The following CSMD1 variants were observed in gnomAD, a reference collection of about 807,000 sequenced individuals.
CSMD1 encodes CUB and Sushi multiple domains 1.
A neutral mutation model predicts 417.5 loss-of-function variants in CSMD1; 213 were observed. That is an observed-to-expected ratio of 0.51 (90% CI 0.46 to 0.57). CSMD1 has a LOEUF of 0.57. Ranked by LOEUF, CSMD1 falls within the 20% of genes least tolerant of loss-of-function variation. The pLI, the probability that CSMD1 is intolerant of heterozygous loss-of-function variation, is 0.00. For missense variants in CSMD1, 6,923 were observed against 4,529.7 expected (o/e 1.53, Z -15.17); for synonymous variants, 2,862 against 1,736.8 (o/e 1.65, Z -16.11).
At chr8:4,946,159 T>A (rs1238335151) in intron 1 of CSMD1, among the ~76,000 whole-genome samples, 1 of 152,144 alleles carries the variant, frequency 6.6e-6, no homozygotes, top group African/African-American at 2.4e-5. Context: ...CAGTTTCAAT[T>A]AAAAACTTTG....
chr8:4,667,895 A>T (rs1176550118), intron 1 of CSMD1, among the ~76,000 whole-genome samples: 1 of 152,198 alleles, frequency 6.6e-6, no homozygotes, highest in East Asian at 1.9e-4. Flanking sequence ...GGAATTGAAT[A>T]GCAGTGGTTA....
At chr8:3,441,631 G>C (rs563500777) in intron 12 of CSMD1, among the ~76,000 whole-genome samples, 2 of 152,044 alleles carry the variant, frequency 1.3e-5, no homozygotes, top group Non-Finnish European at 2.9e-5. Context: ...TAATGACATA[G>C]TAGCCATTGA....
chr8:4,293,021 G>A (rs779710134), intron 3 of CSMD1, among the ~76,000 whole-genome samples: 6 of 152,220 alleles, frequency 3.9e-5, no homozygotes, highest in Non-Finnish European at 5.9e-5. Flanking sequence ...GGGAGGGAAA[G>A]TGTGGTTATG....
chr8:3,859,330 G>C (rs770388448), intron 5 of CSMD1, among the ~76,000 whole-genome samples: 1 of 152,118 alleles, frequency 6.6e-6, no homozygotes, highest in African/African-American at 2.4e-5. Flanking sequence ...CCTATTTTTT[G>C]TCACTTTCAT....
intron 1 of CSMD1, among the ~76,000 whole-genome samples, chr8:4,764,789 T>C (rs1329864540): frequency 2.1e-5 from 3 of 142,958 alleles, no homozygotes; most frequent in Admixed American, 1.5e-4. Flanking sequence ...AGGAGAATGG[T>C]GTGAACCCAG....
At chr8:3,528,354 C>G (rs954711952) in intron 10 of CSMD1, among the ~76,000 whole-genome samples, 2 of 152,164 alleles carry the variant, frequency 1.3e-5, no homozygotes, top group African/African-American at 2.4e-5. Flanking sequence ...GGAAAGGTGA[C>G]AGGCACAAGA....
At chr8:4,333,578 G>A (rs778105080) in intron 3 of CSMD1, among the ~76,000 whole-genome samples, 13 of 152,126 alleles carry the variant, frequency 8.5e-5, no homozygotes, top group Non-Finnish European at 1.8e-4. Flanking sequence ...ATATGCGTTA[G>A]TTATTATTAC....
At chr8:3,959,346 A>G (rs1480817410) in intron 5 of CSMD1, among the ~76,000 whole-genome samples, 10 of 152,138 alleles carry the variant, frequency 6.6e-5, no homozygotes, top group Admixed American at 5.9e-4. Flanking sequence ...TAAAAATACA[A>G]AAATTAGCTG....
At chr8:4,852,079 C>T (rs1388985096) in intron 1 of CSMD1, among the ~76,000 whole-genome samples, 1 of 152,158 alleles carries the variant, frequency 6.6e-6, no homozygotes, top group Non-Finnish European at 1.5e-5. Flanking sequence ...CATCAGATTC[C>T]CTCTCTCTTT....
At chr8:4,184,664 G>T (rs757440062) in intron 3 of CSMD1, among the ~76,000 whole-genome samples, 5 of 152,126 alleles carry the variant, frequency 3.3e-5, no homozygotes, top group African/African-American at 1.2e-4. Flanking sequence ...AAGACAGATG[G>T]ACACAAAGAG....
intron 12 of CSMD1, among the ~76,000 whole-genome samples, chr8:3,453,247 A>G (rs1456943054): frequency 6.6e-6 from 1 of 151,306 alleles, no homozygotes; most frequent in Non-Finnish European, 1.5e-5. Flanking sequence ...AATTTTGTTG[A>G]TCTTTTCAAA....
intron 1 of CSMD1, among the ~76,000 whole-genome samples, chr8:4,654,616 G>A (rs955568437): frequency 2.6e-5 from 4 of 152,140 alleles, no homozygotes; most frequent in Non-Finnish European, 5.9e-5. Context: ...TATGGCTATA[G>A]ATATCAACTA....
chr8:3,399,674 C>T, intron 15 of CSMD1, 145 bp from the exon 16 acceptor site: 1 of 616,428 alleles, frequency 1.6e-6, no homozygotes, highest in Non-Finnish European at 2.6e-6. Flanking sequence ...CCCAAGGAAA[C>T]TGTACATTTA....
intron 3 of CSMD1, among the ~76,000 whole-genome samples, chr8:4,155,975 G>C (rs1364046547): frequency 3.9e-5 from 6 of 152,132 alleles, no homozygotes; most frequent in African/African-American, 1.4e-4. Context: ...AGTCACCAAA[G>C]TCTGCTGATA....
chr8:4,112,331 C>T (rs996628875), intron 3 of CSMD1, among the ~76,000 whole-genome samples: 5 of 152,186 alleles, frequency 3.3e-5, no homozygotes, highest in African/African-American at 9.7e-5. Context: ...TGGCAACGGA[C>T]ACAGGCCTGT....
At chr8:4,493,386 G>A (rs1801805852) in intron 2 of CSMD1, among the ~76,000 whole-genome samples, 1 of 152,098 alleles carries the variant, frequency 6.6e-6, no homozygotes, top group African/African-American at 2.4e-5. Flanking sequence ...GATTACTACT[G>A]ATACAAACAC....
intron 2 of CSMD1, among the ~76,000 whole-genome samples, chr8:4,459,605 GAGA>G (rs1182649028): frequency 2.6e-5 from 4 of 152,330 alleles, no homozygotes; most frequent in South Asian, 4.1e-4. Context: ...ATAAGAGACA[GAGA>G]AGAAGATCGC....
intron 2 of CSMD1, among the ~76,000 whole-genome samples, chr8:4,629,806 T>G (rs1304846692): frequency 6.6e-6 from 1 of 152,192 alleles, no homozygotes; most frequent in Non-Finnish European, 1.5e-5. Flanking sequence ...CAAGAAGATA[T>G]CTTTGTCTGC....
At chr8:3,849,047 G>T (rs2129098813) in intron 5 of CSMD1, among the ~76,000 whole-genome samples, 1 of 152,036 alleles carries the variant, frequency 6.6e-6, no homozygotes, top group Admixed American at 6.6e-5. Context: ...TTAGTGGCAT[G>T]CAGTTTTGGC....
Sources: gnomAD v4.1 joint callset for allele counts (sites outside exome capture counted in the v4.1 genomes callset) on GRCh38, gnomAD v4.1.1 for gene constraint, MANE v1.5 for transcripts, NCBI Gene and HGNC (gene_info 2026-07-23, HGNC 2026-07-21) for gene names.